Variants in PGM5 observed in about 807,000 individuals in gnomAD.
PGM5 encodes the protein phosphoglucomutase-like protein 5.
Under a neutral mutation model 59.2 loss-of-function variants are expected in PGM5, and 23 were observed. The observed-to-expected ratio is 0.39, with a 90% CI of 0.28 to 0.55. The LOEUF (loss-of-function observed/expected upper bound fraction) is 0.55. PGM5 is among the 20% of genes least tolerant of loss of function. The pLI, the probability that PGM5 is intolerant of heterozygous loss-of-function variation, is 0.66. For synonymous variants in PGM5, 214 were observed against 286.0 expected (o/e 0.75, Z 2.54); for missense variants, 574 against 748.3 (o/e 0.77, Z 2.72).
chr9:68,357,311 A>T lies in PGM5; in HGVS notation c.184A>T (p.Met62Leu). 6.4e-7 allele frequency: 1 copy of T among 1,550,426 alleles called. No individual in the cohort carries two copies. The highest frequency in any genetic ancestry group is 1.2e-5 in the South Asian group (1 of 84,144). Residue 62 changes from methionine (M) to leucine (L), a missense_variant, in exon 1 of 11, where the codon ATG becomes TTG. This residue lies in a region of PGM5 where 61 missense variants were observed against 133.3 expected (regional missense o/e 0.46). Transcript: ENST00000396396. The stretch of plus-strand genomic sequence containing the variant: ...CCTGCGCGACCGTCAGGGCTGCACC[A>T]TGGTGGTGGGCAGCGACGGCAGGTA... ...IDLRDRQGCT[M>L]VVGSDGRYFS...
intron 1 of PGM5, among the ~76,000 whole-genome samples, chr9:68,372,115 T>C (rs1490325053): frequency 1.4e-5 from 2 of 145,530 alleles, no homozygotes; most frequent in African/African-American, 5.6e-5. Flanking sequence ...TTGTATTAGA[T>C]TACAAACTTT....
intron 6 of PGM5, among the ~76,000 whole-genome samples, chr9:68,432,201 T>C (rs1554683080): frequency 1.3e-5 from 2 of 151,494 alleles, no homozygotes; most frequent in African/African-American, 4.9e-5. Flanking sequence ...GTTTTTATTT[T>C]TTAATTTTTT....
chr9:68,423,657 C>CTCTCTG (rs1823185115), intron 6 of PGM5, among the ~76,000 whole-genome samples: 7 of 25,414 alleles, frequency 2.8e-4, no homozygotes, highest in African/African-American at 6.1e-4. Flanking sequence ...CTCTCTCTGT[C>CTCTCTG]TCTCTCTCTC....
intron 7 of PGM5, among the ~76,000 whole-genome samples, chr9:68,473,811 C>T (rs1470052504): frequency 6.6e-6 from 1 of 152,132 alleles, no homozygotes; most frequent in African/African-American, 2.4e-5. Context: ...CACTCCAAAG[C>T]TGGCAAAGTC....
chr9:68,440,797 G>T (rs1168892046), intron 6 of PGM5, among the ~76,000 whole-genome samples: 1 of 151,918 alleles, frequency 6.6e-6, no homozygotes, highest in East Asian at 1.9e-4. Context: ...CCCAAGGAAG[G>T]AATGGATAAA....
chr9:68,523,630 G>A (rs185754805), intron 10 of PGM5, among the ~76,000 whole-genome samples: 1 of 152,180 alleles, frequency 6.6e-6, no homozygotes, highest in East Asian at 1.9e-4. Flanking sequence ...TTTTATGGAT[G>A]CCAGAATGTC....
intron 6 of PGM5, among the ~76,000 whole-genome samples, chr9:68,434,704 G>T (rs1823417021): frequency 6.6e-6 from 1 of 151,980 alleles, no homozygotes; most frequent in African/African-American, 2.4e-5. Context: ...TACTCAGGAG[G>T]CTGAGGCAGA....
At chr9:68,500,297 G>T (rs1824550418) in intron 10 of PGM5, among the ~76,000 whole-genome samples, 1 of 151,744 alleles carries the variant, frequency 6.6e-6, no homozygotes, top group South Asian at 2.1e-4. Flanking sequence ...GGGTTTTTTT[G>T]TTTTGTTTTG....
chr9:68,391,780 C>T, intron 5 of PGM5, 56 bp downstream of exon 5: 3 of 1,555,928 alleles, frequency 1.9e-6, no homozygotes, highest in Non-Finnish European at 2.6e-6. Context: ...GAGCCATGCA[C>T]TGGAAAGCAG....
rs781869968 is a variant in PGM5 at position 68,378,191 on chromosome 9, T to A, written c.262-8T>A. 54 of 1,513,806 alleles carry A rather than the reference T, an allele frequency of 3.6e-5. 2 individuals are homozygous for A. Among genetic ancestry groups the A allele is most frequent in the Non-Finnish European group, 4.8e-5 (54 of 1,133,176 alleles). The allele number at this position is 1,513,806 out of a possible 1,614,324, so 93.8% of individuals were successfully genotyped here. A position where few individuals can be genotyped will look rare whatever the true frequency, so the allele number is the denominator to read the frequency against. On this transcript the variant is annotated splice_region_variant and splice_polypyrimidine_tract_variant and intron_variant, in intron 1 of 10. Transcript: ENST00000396396. ...AACTGGATTGATTTTTTTTTTTGGA[T>A]GGTTTAGATTGGACGACTGATTATT...
intron 8 of PGM5, among the ~76,000 whole-genome samples, chr9:68,481,225 C>T (rs1554687112): frequency 2.6e-5 from 4 of 152,118 alleles, no homozygotes; most frequent in South Asian, 4.1e-4. Context: ...TGACTGTACT[C>T]GTTAAAATCA....
intron 1 of PGM5, among the ~76,000 whole-genome samples, chr9:68,361,284 C>G (rs1416041237): frequency 6.6e-6 from 1 of 152,102 alleles, no homozygotes; most frequent in Non-Finnish European, 1.5e-5. Context: ...TGGAAAATAC[C>G]CTCACTCTTT....
At chr9:68,470,331 T>C (rs1365486168) in intron 7 of PGM5, among the ~76,000 whole-genome samples, 2 of 152,208 alleles carry the variant, frequency 1.3e-5, no homozygotes, top group Non-Finnish European at 2.9e-5. Flanking sequence ...TGTTGTCTTA[T>C]GGTTTATGTT....
intron 6 of PGM5, among the ~76,000 whole-genome samples, chr9:68,460,167 G>T (rs553025690): frequency 4.9e-4 from 74 of 152,292 alleles, no homozygotes; most frequent in African/African-American, 1.7e-3. Context: ...GATATGATCA[G>T]TCTGTGTTTT....
intron 6 of PGM5, among the ~76,000 whole-genome samples, chr9:68,403,176 CAT>C (rs1822712755): frequency 6.6e-6 from 1 of 152,140 alleles, no homozygotes; most frequent in Non-Finnish European, 1.5e-5. Flanking sequence ...ATTAGATTCT[CAT>C]AGGAGAGCAA....
intron 4 of PGM5, among the ~76,000 whole-genome samples, chr9:68,391,061 T>G (rs1310326661): frequency 6.6e-6 from 1 of 152,066 alleles, no homozygotes; most frequent in Admixed American, 6.6e-5. Flanking sequence ...TTCCTTGGCA[T>G]GTATTTTGGT....
intron 10 of PGM5, among the ~76,000 whole-genome samples, chr9:68,512,946 AT>A (rs1194732640): frequency 2.6e-5 from 4 of 152,292 alleles, no homozygotes; most frequent in African/African-American, 4.8e-5. Flanking sequence ...ACAAAATCTT[AT>A]TTTTTTCCCA....
At chr9:68,390,360 C>T (rs1724025890) in intron 4 of PGM5, among the ~76,000 whole-genome samples, 1 of 152,116 alleles carries the variant, frequency 6.6e-6, no homozygotes, top group Admixed American at 6.6e-5. Flanking sequence ...ATTGTATGTC[C>T]ATCTTTGAAT....
chr9:68,512,078 G>GGA (rs1554689406), intron 10 of PGM5, among the ~76,000 whole-genome samples: 1 of 152,166 alleles, frequency 6.6e-6, no homozygotes, highest in Non-Finnish European at 1.5e-5. Flanking sequence ...CTCCTGGCTT[G>GGA]GAGTAAGAGG....
Sources: gnomAD v4.1 joint callset for allele counts (sites outside exome capture counted in the v4.1 genomes callset) on GRCh38, gnomAD v4.1.1 for gene constraint, gnomAD v4.1.1 regional missense constraint, MANE v1.5 for transcripts, NCBI Gene and HGNC (gene_info 2026-07-23, HGNC 2026-07-21) for gene names.